Variants in RNFT2 observed in about 807,000 individuals in gnomAD.
RNFT2 encodes the protein ring finger protein, transmembrane 2.
In RNFT2, 36 loss-of-function variants were observed where a neutral mutation model predicts 53.0. The observed-to-expected ratio is 0.68, with a 90% CI of 0.52 to 0.90. The LOEUF (loss-of-function observed/expected upper bound fraction) is 0.90, where lower values mean the gene tolerates loss of function less well. Among genes scored for constraint, RNFT2 ranks in the 40% least tolerant of loss-of-function variants. RNFT2 has a pLI of 0.00. For synonymous variants in RNFT2, 260 were observed against 253.2 expected, an observed-to-expected ratio of 1.03 and a Z score of -0.26; for missense variants, 514 against 585.6, an observed-to-expected ratio of 0.88 and a Z score of 1.26.
At position 116,806,381 on chromosome 12, in the gene RNFT2, A is replaced by AAAAT. The variant is rs1465646224; in HGVS notation, c.882+27034_882+27035insAATA. On this transcript the variant is annotated intron_variant, in intron 7 of 10. Coordinates refer to ENST00000257575, the MANE Select transcript of RNFT2 (RefSeq NM_001382266.1). ...TGAGACTGTCTCAAAAAAAAAAAAA[A>AAAAT]ATATATATATATATATATAGATAGA... 9.1e-3 allele frequency among the ~76,000 whole-genome samples: 1,210 copies of AAAAT among 133,276 alleles called. 23 individuals are homozygous for AAAAT. The highest frequency in any genetic ancestry group is 0.013 in the Non-Finnish European group (865 of 65,444). The allele number at this position is 133,276 out of a possible 152,430, so 87.4% of individuals were successfully genotyped here. A position where few individuals can be genotyped will look rare whatever the true frequency, so the allele number is the denominator to read the frequency against.
chr12:116,747,377 T>C (rs1240539363), intron 3 of RNFT2, among the ~76,000 whole-genome samples: 2 of 152,050 alleles, frequency 1.3e-5, no homozygotes, highest in Non-Finnish European at 2.9e-5. Flanking sequence ...TTAAAACATA[T>C]TTCCTGGAGC....
intron 7 of RNFT2, among the ~76,000 whole-genome samples, chr12:116,791,276 G>T (rs1446431839): frequency 6.6e-6 from 1 of 152,176 alleles, no homozygotes; most frequent in Non-Finnish European, 1.5e-5. Flanking sequence ...TGTTTTCGAG[G>T]TTCATCCATG....
intron 7 of RNFT2, among the ~76,000 whole-genome samples, chr12:116,800,864 C>T (rs1221770336): frequency 2.5e-5 from 1 of 40,566 alleles, no homozygotes; most frequent in African/African-American, 5.5e-5. Flanking sequence ...AAAATAAAAA[C>T]CATTTAACAG....
At chr12:116,759,653 G>C (rs1159725397) in intron 5 of RNFT2, among the ~76,000 whole-genome samples, 1 of 152,170 alleles carries the variant, frequency 6.6e-6, no homozygotes, top group East Asian at 1.9e-4. Context: ...GCCACCCAGC[G>C]AGTCTACCTG....
intron 7 of RNFT2, among the ~76,000 whole-genome samples, chr12:116,794,396 G>A (rs1422833411): frequency 1.3e-5 from 2 of 151,740 alleles, no homozygotes; most frequent in South Asian, 2.1e-4. Flanking sequence ...TCAGGAGTTC[G>A]AGACTAGCCT....
chr12:116,748,739 C>A, intron 3 of RNFT2: 1 of 427,288 alleles, frequency 2.3e-6, no homozygotes, highest in Non-Finnish European at 4.7e-6. Context: ...TCCTTGGGAT[C>A]CCGAGGTAAT....
intron 10 of RNFT2, among the ~76,000 whole-genome samples, chr12:116,846,437 A>ATTTTTCTTTTTTT (rs1877616994): frequency 1.9e-5 from 2 of 104,398 alleles, no homozygotes; most frequent in Non-Finnish European, 3.7e-5. Context: ...TGCCCAGCTA[A>ATTTTTCTTTTTTT]TTTTTTTTTT....
In RNFT2 at chr12:116,845,267, A is replaced by G. The variant is rs1287486057; in HGVS notation, c.1201-4047A>G. On this transcript the variant is annotated intron_variant, in intron 10 of 10. Transcript: ENST00000257575. ...TCAAAAAAAAAAAAAAAATATATAT[A>G]TATATATAGAGAGAGAGAGAGAGAG... Among the ~76,000 whole-genome samples, 3 of 118,260 alleles carry G rather than the reference A, an allele frequency of 2.5e-5. No homozygotes were observed. The South Asian group carries it at 7.3e-4, about 29-fold the overall frequency. 77.6% of individuals were successfully genotyped at this position (118,260 alleles called of 152,430 possible). A position where few individuals can be genotyped will look rare whatever the true frequency, so the allele number is the denominator to read the frequency against.
chr12:116,813,998 G>C (rs1383908707), intron 7 of RNFT2, among the ~76,000 whole-genome samples: 1 of 152,188 alleles, frequency 6.6e-6, no homozygotes, highest in Non-Finnish European at 1.5e-5. Flanking sequence ...CTTAGTAAGT[G>C]CTAGGCTCGA....
rs1431627788 is a variant in RNFT2 at position 116,835,952 on chromosome 12, C to G, written c.1033-8C>G. On this transcript the variant is annotated splice_polypyrimidine_tract_variant and splice_region_variant and intron_variant, in intron 8 of 10. Coordinates refer to ENST00000257575, the MANE Select transcript of RNFT2 (RefSeq NM_001382266.1). ...TACATTTCAGCCACCACCCTGCTCTCCTTTCAGTCCTTCGACATCTGTGGA... is the reference window on the plus strand; with the variant it reads ...TACATTTCAGCCACCACCCTGCTCTGCTTTCAGTCCTTCGACATCTGTGGA... 6.2e-6 allele frequency: 10 copies of G among 1,613,892 alleles called. No homozygotes were observed. The highest frequency in any genetic ancestry group is 8.5e-6 in the Non-Finnish European group (10 of 1,179,902).
chr12:116,800,858 T>TAAAATAAAAA (rs1874756023), intron 7 of RNFT2, among the ~76,000 whole-genome samples: 1 of 141,718 alleles, frequency 7.1e-6, no homozygotes, highest in Admixed American at 6.9e-5. Flanking sequence ...TAAAATAAAA[T>TAAAATAAAAA]AAAAACCATT....
At chr12:116,755,109 T>C (rs1233941842) in intron 5 of RNFT2, among the ~76,000 whole-genome samples, 1 of 152,240 alleles carries the variant, frequency 6.6e-6, no homozygotes, top group Non-Finnish European at 1.5e-5. Context: ...CTAGAATTTT[T>C]ATAGTTTTAG....
chr12:116,773,665 C>A (rs1057203199), intron 6 of RNFT2, among the ~76,000 whole-genome samples: 2 of 152,018 alleles, frequency 1.3e-5, no homozygotes. Flanking sequence ...CAGCAGAGGC[C>A]CTAAATGCAA....
chr12:116,825,064 G>A (rs1016009049), intron 7 of RNFT2, among the ~76,000 whole-genome samples: 1 of 152,128 alleles, frequency 6.6e-6, no homozygotes, highest in Non-Finnish European at 1.5e-5. Context: ...TGTCCAAGAT[G>A]GCATCTTCAC....
intron 10 of RNFT2, among the ~76,000 whole-genome samples, chr12:116,842,589 TTTGA>T (rs1030225916): frequency 4.1e-5 from 6 of 146,528 alleles, no homozygotes; most frequent in African/African-American, 1.5e-4. Context: ...TGTTTGTTTG[TTTGA>T]GACAGAGTCT....
chr12:116,850,633 T>TGTTGTTGTTGTGAGACAGAGTC lies in RNFT2; in HGVS notation c.*1185_*1186insGTTGTTGTTGTGAGACAGAGTC, dbSNP rs1877879131. Reference sequence around the variant, plus strand: ...TTCTTTTCTTTTCTTTTTTTTTTTTTTTTTGTTGTTGTGAGACAGAGTCTT... The same window carrying TGTTGTTGTTGTGAGACAGAGTC: ...TTCTTTTCTTTTCTTTTTTTTTTTTTGTTGTTGTTGTGAGACAGAGTCTTTTGTTGTTGTGAGACAGAGTCTT... On this transcript the variant is annotated 3_prime_UTR_variant, in exon 11 of 11. Transcript: ENST00000257575. The TGTTGTTGTTGTGAGACAGAGTC allele has an allele frequency of 7.0e-6, 1 of 143,292 alleles. No homozygotes were observed. The highest frequency in any genetic ancestry group is 2.8e-5 in the African/African-American group (1 of 35,936). 8.9% of individuals were successfully genotyped at this position (143,292 alleles called of 1,614,324 possible). A position where few individuals can be genotyped will look rare whatever the true frequency, so the allele number is the denominator to read the frequency against.
intron 7 of RNFT2, among the ~76,000 whole-genome samples, chr12:116,793,863 ATT>A (rs1566083221): frequency 6.6e-6 from 1 of 152,090 alleles, no homozygotes; most frequent in East Asian, 1.9e-4. Context: ...AAATAATCAG[ATT>A]GTTTGTCTTT....
rs187569192 is a variant in RNFT2 at position 116,830,490 on chromosome 12, A to G, written c.883-3302A>G. ...TTTTGTAGACACAAGATCTTGCTCT[A>G]TTGCCCAGGCTGGTCTTGAACTCCT... On this transcript the variant is annotated intron_variant, in intron 7 of 10. Coordinates refer to ENST00000257575, the MANE Select transcript of RNFT2 (RefSeq NM_001382266.1). Among the ~76,000 whole-genome samples the G allele has an allele frequency of 1.4e-4, 21 of 151,908 alleles. 1 individual carries two copies. In the East Asian group the frequency reaches 3.1e-3, roughly 22 times the overall value.
chr12:116,769,048 T>A (rs1473841294), intron 6 of RNFT2, among the ~76,000 whole-genome samples: 1 of 152,068 alleles, frequency 6.6e-6, no homozygotes. Flanking sequence ...TTTTAGAGTA[T>A]ACTTTTTCTA....
Sources: allele counts gnomAD v4.1 joint callset (sites outside exome capture counted in the v4.1 genomes callset), GRCh38; gene constraint gnomAD v4.1.1; transcripts MANE v1.5; gene names NCBI Gene and HGNC (gene_info 2026-07-23, HGNC 2026-07-21).